Variants in KRT79 observed in about 807,000 individuals in gnomAD.
KRT79 encodes the protein keratin 79.
KRT79 carries 51 observed loss-of-function variants against 49.0 expected under a neutral mutation model. The ratio of observed to expected loss-of-function variants is 1.04; its 90% confidence interval spans 0.83 to 1.31. KRT79 has a LOEUF of 1.31. Ranked by LOEUF, KRT79 falls within the 40% of genes most tolerant of loss-of-function variation. The probability of loss-of-function intolerance (pLI) is 0.00; values close to 1 mark genes in which losing one functional copy is unlikely to be tolerated. For synonymous variants in KRT79, 312 were observed against 286.6 expected (o/e 1.09, Z -0.90); for missense variants, 728 against 688.0 (o/e 1.06, Z -0.65).
Position 52,821,720 on chromosome 12 carries a change from G to C in KRT79, c.*152C>G. ...GGAGAAAACCTGAGTAGATTTGAGC[G>C]CTTCCCAAGATGCAAATAGTCTGGT... On this transcript the variant is annotated 3_prime_UTR_variant, in exon 9 of 9. Transcript: ENST00000330553. The C allele has an allele frequency of 1.5e-6, 1 of 681,064 alleles. No individual in the cohort carries two copies. The highest frequency in any genetic ancestry group is 2.5e-6 in the Non-Finnish European group (1 of 401,082). The allele number at this position is 681,064 out of a possible 1,614,324, so 42.2% of individuals were successfully genotyped here.
In KRT79 at chr12:52,829,865, T is replaced by C. The variant is rs1414030925; in HGVS notation, c.855+158A>G. 2.0e-5 allele frequency among the ~76,000 whole-genome samples: 3 copies of C among 152,198 alleles called. No individual in the cohort carries two copies. The East Asian group carries it at 5.8e-4, about 29-fold the overall frequency. On this transcript the variant is annotated intron_variant, in intron 4 of 8. Coordinates refer to ENST00000330553, the MANE Select transcript of KRT79 (RefSeq NM_175834.3). Reference sequence around the variant, plus strand: ...AAGACTGTGCCACTACACTCCAGCCTGGGTAACACAGCGAAACTCCGTCTC... The same window carrying C: ...AAGACTGTGCCACTACACTCCAGCCCGGGTAACACAGCGAAACTCCGTCTC...
At chr12:52,828,791 A>G (rs1445566939) in intron 4 of KRT79, among the ~76,000 whole-genome samples, 3 of 152,240 alleles carry the variant, frequency 2.0e-5, no homozygotes, top group Non-Finnish European at 4.4e-5. Flanking sequence ...AGAAGTTTGT[A>G]TCTGGAACCT....
In KRT79 at chr12:52,830,044, G is replaced by A. The variant is rs148898674; in HGVS notation, c.834C>T (p.Phe278=). ...TCACCATTTCATAGAGTTGCTGCAGGAAGTCAATCTCCTGGGTCAAGGTGC... is the reference window on the plus strand; with the variant it reads ...TCACCATTTCATAGAGTTGCTGCAGAAAGTCAATCTCCTGGGTCAAGGTGC... The part of the protein sequence containing the change: ...KVGTLTQEID[F]LQQLYEMELS... Residue 278 remains phenylalanine, a synonymous_variant, in exon 4 of 9, where the codon TTC becomes TTT. Transcript: ENST00000330553. The A allele has an allele frequency of 6.2e-4, 1,006 of 1,614,070 alleles. 2 individuals carry two copies. The highest frequency in any genetic ancestry group is 7.8e-4 in the Non-Finnish European group (923 of 1,180,038).
intron 4 of KRT79, among the ~76,000 whole-genome samples, chr12:52,829,595 A>G (rs1940221001): frequency 2.0e-5 from 3 of 152,228 alleles, no homozygotes; most frequent in African/African-American, 7.2e-5. Flanking sequence ...TGAAGCTAGT[A>G]TTAATTAAAG....
chr12:52,830,323 C>G (rs1177990175), intron 2 of KRT79, 31 bp from the exon 3 acceptor site: 3 of 1,602,472 alleles, frequency 1.9e-6, no homozygotes, highest in Admixed American at 1.7e-5. Context: ...AGGCCAGGCT[C>G]AGCCTGGCTC....
At chr12:52,824,447 T>C in intron 4 of KRT79, 85 bp from the exon 5 acceptor site, 1 of 1,407,000 alleles carries the variant, frequency 7.1e-7, no homozygotes, top group Non-Finnish European at 9.8e-7. Context: ...GGCCCCCAGG[T>C]AGCATCAGGA....
intron 1 of KRT79, among the ~76,000 whole-genome samples, chr12:52,833,553 C>T (rs936600940): frequency 1.9e-4 from 29 of 152,124 alleles, no homozygotes; most frequent in African/African-American, 5.6e-4. Flanking sequence ...CTTGGCAAAC[C>T]GGACTCATGA....
chr12:52,834,300 AG>A lies in KRT79; in HGVS notation c.-41del, dbSNP rs1425799854. On this transcript the variant is annotated 5_prime_UTR_variant, in exon 1 of 9. Transcript: ENST00000330553. The stretch of plus-strand genomic sequence containing the variant: ...CGGAGGGCAGGATGAGAGGGCAGGA[AG>A]GGAGTGCCGTGAGCTGCTGGGCCAC... The A allele has an allele frequency of 1.3e-6, 2 of 1,531,208 alleles. No homozygotes were observed. The highest frequency in any genetic ancestry group is 2.7e-5 in the African/African-American group (2 of 73,172). The allele number at this position is 1,531,208 out of a possible 1,614,324, so 94.9% of individuals were successfully genotyped here.
Position 52,831,392 on chromosome 12 carries a change from C to T in KRT79, c.698+14G>A, listed in dbSNP as rs765826055. 3.7e-6 allele frequency: 6 copies of T among 1,612,966 alleles called. No homozygotes were observed. Among genetic ancestry groups the T allele is most frequent in the Non-Finnish European group, 5.1e-6 (6 of 1,178,990 alleles). On this transcript the variant is annotated intron_variant, in intron 2 of 8. Coordinates refer to ENST00000330553, the MANE Select transcript of KRT79 (RefSeq NM_175834.3). Reference sequence around the variant, plus strand: ...CTCACTCCCACATGGCCCCGCCTGGCCTGCTCTCCTCACTTGTTCTTGAAG... The same window carrying T: ...CTCACTCCCACATGGCCCCGCCTGGTCTGCTCTCCTCACTTGTTCTTGAAG...
intron 2 of KRT79, 76 bp from the exon 3 acceptor site, chr12:52,830,368 G>A (rs1269083139): frequency 4.6e-6 from 6 of 1,313,374 alleles, no homozygotes; most frequent in Middle Eastern, 1.8e-4. Flanking sequence ...CAGCCTTACA[G>A]AAGCCCTGAT....
In KRT79 at chr12:52,834,168, G is replaced by C; in HGVS notation, c.93C>G (p.Thr31=). The C allele has an allele frequency of 6.2e-7, 1 of 1,613,726 alleles. No individual in the cohort carries two copies. Among genetic ancestry groups the C allele is most frequent in the Non-Finnish European group, 8.5e-7 (1 of 1,179,932 alleles). ...GAGACACCGTCACTGAGCTGAAGCT[G>C]GTGCGGGCCTGGGACCCACTCCCTC... ...ASGGSGSQAR[T]SFSSVTVSRS... The change falls in exon 1 of 9, where the codon ACC becomes ACG. Residue 31 remains threonine (T), a synonymous_variant. Transcript: ENST00000330553.
chr12:52,833,122 ATG>A (rs1940279145), intron 1 of KRT79, among the ~76,000 whole-genome samples: 1 of 152,164 alleles, frequency 6.6e-6, no homozygotes, highest in African/African-American at 2.4e-5. Context: ...GGTTCAGGGC[ATG>A]CCTATGGGCA....
chr12:52,833,102 G>T (rs1365878873), intron 1 of KRT79, among the ~76,000 whole-genome samples: 1 of 152,152 alleles, frequency 6.6e-6, no homozygotes, highest in Non-Finnish European at 1.5e-5. Context: ...CCATCTGGAG[G>T]CAAGGGCAAG....
chr12:52,822,031 G>A lies in KRT79; in HGVS notation c.1449C>T (p.Ser483=). The A allele has an allele frequency of 6.2e-7, 1 of 1,614,098 alleles. No individual in the cohort carries two copies. Among genetic ancestry groups the A allele is most frequent in the South Asian group, 1.1e-5 (1 of 91,080 alleles). The change falls in exon 9 of 9, where the codon AGC becomes AGT. Residue 483 remains serine, a synonymous_variant. Transcript: ENST00000330553. ...STTVCGGGAA[S]FGGGISLGGS... ...CACCCAGGGAGATGCCACCTCCAAA[G>A]CTGGCTGCGCCACCTCCGCACACAG...
rs766283133 is a variant in KRT79 at position 52,823,254 on chromosome 12, G to A, written c.1147-18C>T. On this transcript the variant is annotated intron_variant, in intron 6 of 8. Coordinates refer to ENST00000330553, the MANE Select transcript of KRT79 (RefSeq NM_175834.3). ...TGCTGACACTGCCCAGGGGAGAAAG[G>A]TGTTGGAAGCACCCTCCGGGGTCAT... 33 of 1,609,610 alleles carry A rather than the reference G, an allele frequency of 2.1e-5. No homozygotes were observed. Among genetic ancestry groups the A allele is most frequent in the African/African-American group, 4.0e-5 (3 of 74,888 alleles).
In KRT79 at chr12:52,830,043, G is replaced by A. The variant is rs749897336; in HGVS notation, c.835C>T (p.Leu279=). The change falls in exon 4 of 9, where the codon CTG becomes TTG. Residue 279 remains leucine (L), a synonymous_variant. Transcript: ENST00000330553. ...VGTLTQEIDF[L]QQLYEMELSQ... ...CTCACCATTTCATAGAGTTGCTGCAGGAAGTCAATCTCCTGGGTCAAGGTG... is the reference window on the plus strand; with the variant it reads ...CTCACCATTTCATAGAGTTGCTGCAAGAAGTCAATCTCCTGGGTCAAGGTG... 2.5e-6 allele frequency: 4 copies of A among 1,614,086 alleles called. No individual in the cohort carries two copies. The highest frequency in any genetic ancestry group is 3.4e-6 in the Non-Finnish European group (4 of 1,180,042).
chr12:52,834,055 T>C lies in KRT79; in HGVS notation c.206A>G (p.Lys69Arg), dbSNP rs928955491. 1 of 1,613,202 alleles carries C rather than the reference T, an allele frequency of 6.2e-7. No homozygotes were observed. Among genetic ancestry groups the C allele is most frequent in the Admixed American group, 1.7e-5 (1 of 59,974 alleles). ...SRSLYNLGGH[K>R]SISVSVAGGA... ...TCCGGCCACACTGACAGAGATACTC[T>C]TGTGGCCCCCCAAGTTATAGAGGCT... The change falls in exon 1 of 9, where the codon AAG (lysine) becomes AGG (arginine). Residue 69 changes from lysine to arginine, a missense_variant. Physicochemically the swap from Lys to Arg is conservative, Grantham distance 26. Transcript: ENST00000330553.
chr12:52,834,229 G>A lies in KRT79; in HGVS notation c.32C>T (p.Ser11Phe), dbSNP rs762559396. Residue 11 changes from serine to phenylalanine, a missense_variant, in exon 1 of 9, where the codon TCC becomes TTC. Ser to Phe is a radical substitution (Grantham distance 155). Coordinates refer to ENST00000330553, the MANE Select transcript of KRT79 (RefSeq NM_175834.3). MRSSVSRQTY[S>F]TKGGFSSNSA... is the part of the protein sequence containing the mutation. ...GTTGGAGCTGAAGCCCCCTTTTGTG[G>A]AGTATGTTTGCCGAGAGACGGAGGA... The A allele has an allele frequency of 1.2e-6, 2 of 1,613,682 alleles. No individual in the cohort carries two copies. The highest frequency in any genetic ancestry group is 2.2e-5 in the East Asian group (1 of 44,870).
intron 3 of KRT79, 55 bp from the exon 4 acceptor site, chr12:52,830,173 C>T (rs376769036): frequency 6.2e-6 from 10 of 1,612,370 alleles, no homozygotes; most frequent in African/African-American, 4.0e-5. Context: ...CCCCTCTCCC[C>T]GAATCAGCCC....
Sources: gnomAD v4.1 joint callset for allele counts (sites outside exome capture counted in the v4.1 genomes callset) on GRCh38, gnomAD v4.1.1 for gene constraint, MANE v1.5 for transcripts, NCBI Gene and HGNC (gene_info 2026-07-23, HGNC 2026-07-21) for gene names.